The following UVRAG variants were observed in gnomAD, a reference collection of about 807,000 sequenced individuals.
UVRAG encodes the protein UV radiation resistance associated, also known as UV radiation resistance-associated gene protein.
Under a neutral mutation model 78.0 loss-of-function variants are expected in UVRAG, and 19 were observed. The ratio of observed to expected loss-of-function variants is 0.24; its 90% confidence interval spans 0.17 to 0.36. The LOEUF (loss-of-function observed/expected upper bound fraction) is 0.36, where lower values mean the gene tolerates loss of function less well. Among genes scored for constraint, UVRAG ranks in the 10% least tolerant of loss-of-function variants. The pLI is 1.00. For missense variants in UVRAG, 740 were observed against 853.8 expected (o/e 0.87, Z 1.66); for synonymous variants, 323 against 324.6 (o/e 1.00, Z 0.05).
intron 12 of UVRAG, among the ~76,000 whole-genome samples, chr11:76,022,414 G>A (rs1016393240): frequency 2.6e-5 from 4 of 152,102 alleles, no homozygotes; most frequent in African/African-American, 9.7e-5. Context: ...GTGTAAAACT[G>A]TATATTTCTC....
intron 1 of UVRAG, among the ~76,000 whole-genome samples, chr11:75,825,899 T>A (rs917385338): frequency 1.2e-4 from 18 of 151,588 alleles, no homozygotes; most frequent in Admixed American, 2.6e-4. Context: ...TACAGTGGTG[T>A]GATCTCGGCT....
At chr11:75,983,344 G>T in intron 7 of UVRAG, 43 bp from the exon 8 acceptor site, 1 of 1,475,096 alleles carries the variant, frequency 6.8e-7, no homozygotes, top group Non-Finnish European at 9.2e-7. Flanking sequence ...TCATAGTCAT[G>T]ACATTTATAT....
chr11:75,921,348 C>A (rs1427336478), intron 6 of UVRAG, among the ~76,000 whole-genome samples: 2 of 152,144 alleles, frequency 1.3e-5, no homozygotes, highest in Admixed American at 1.3e-4. Context: ...AACATGTTTT[C>A]TTAAGCTTAT....
intron 7 of UVRAG, among the ~76,000 whole-genome samples, chr11:75,973,325 G>A (rs1257724122): frequency 6.6e-6 from 1 of 152,112 alleles, no homozygotes; most frequent in African/African-American, 2.4e-5. Context: ...TCCTTAGCCT[G>A]TTGATGTGAT....
At chr11:75,942,649 T>C (rs1948507776) in intron 6 of UVRAG, among the ~76,000 whole-genome samples, 1 of 152,184 alleles carries the variant, frequency 6.6e-6, no homozygotes, top group Non-Finnish European at 1.5e-5. Flanking sequence ...AATTTAAAAA[T>C]TGTACAATTA....
intron 13 of UVRAG, among the ~76,000 whole-genome samples, chr11:76,115,175 C>A (rs1049649517): frequency 3.9e-5 from 6 of 152,246 alleles, no homozygotes; most frequent in African/African-American, 1.4e-4. Flanking sequence ...CGATGAAAAC[C>A]ATTAGCAACT....
intron 1 of UVRAG, among the ~76,000 whole-genome samples, chr11:75,850,565 T>A (rs1233990314): frequency 6.6e-6 from 1 of 152,234 alleles, no homozygotes; most frequent in Admixed American, 6.5e-5. Flanking sequence ...TTATCCTAGA[T>A]ATTCCAGATG....
chr11:75,894,802 CAAAA>C (rs375833755), intron 5 of UVRAG, among the ~76,000 whole-genome samples: 2 of 60,212 alleles, frequency 3.3e-5, no homozygotes, highest in Admixed American at 4.0e-4. Context: ...CCGTCTCTAC[CAAAA>C]AAAAAAAAAA....
intron 1 of UVRAG, among the ~76,000 whole-genome samples, chr11:75,848,958 C>T (rs571265857): frequency 6.6e-6 from 1 of 152,160 alleles, no homozygotes; most frequent in Non-Finnish European, 1.5e-5. Context: ...GCAGGTCGAT[C>T]ACCTGAGGTC....
At chr11:76,028,613 T>G (rs1187381473) in intron 12 of UVRAG, among the ~76,000 whole-genome samples, 1 of 152,118 alleles carries the variant, frequency 6.6e-6, no homozygotes, top group African/African-American at 2.4e-5. Context: ...AGAGTTTTAG[T>G]GGTCTGGATA....
intron 6 of UVRAG, among the ~76,000 whole-genome samples, chr11:75,940,968 CA>C (rs1948472044): frequency 6.6e-6 from 1 of 151,502 alleles, no homozygotes; most frequent in African/African-American, 2.4e-5. Flanking sequence ...ATTCTGCCTT[CA>C]AAAAAAGTCC....
chr11:75,843,387 G>A (rs1262938761), intron 1 of UVRAG, among the ~76,000 whole-genome samples: 1 of 152,126 alleles, frequency 6.6e-6, no homozygotes, highest in Admixed American at 6.5e-5. Flanking sequence ...CTACTAACCT[G>A]CCATGGGATA....
chr11:75,879,659 C>T (rs556670519), intron 3 of UVRAG, among the ~76,000 whole-genome samples: 5 of 152,274 alleles, frequency 3.3e-5, no homozygotes, highest in South Asian at 2.1e-4. Context: ...TAGGAATATA[C>T]GCTTCTTCTA....
chr11:75,893,670 C>CGAA (rs1947273899), intron 5 of UVRAG, among the ~76,000 whole-genome samples: 1 of 60,392 alleles, frequency 1.7e-5, no homozygotes, highest in Non-Finnish European at 3.3e-5. Flanking sequence ...CTATCTCTAC[C>CGAA]AAAAAAAAAA....
intron 1 of UVRAG, chr11:75,838,805 A>G (rs926670100): frequency 6.6e-6 from 1 of 152,194 alleles, no homozygotes. Context: ...AAGAGGTGAT[A>G]CCATGATACC....
At chr11:75,993,331 T>C (rs1356719101) in intron 8 of UVRAG, among the ~76,000 whole-genome samples, 1 of 152,242 alleles carries the variant, frequency 6.6e-6, no homozygotes, top group African/African-American at 2.4e-5. Context: ...TTCACACTCA[T>C]ACGTTTTCCC....
chr11:75,872,166 TCATATCCATATTA>T (rs1035368340), intron 3 of UVRAG, among the ~76,000 whole-genome samples: 4 of 152,324 alleles, frequency 2.6e-5, no homozygotes, highest in African/African-American at 9.6e-5. Flanking sequence ...TTTGAGTTTT[TCATATCCATATTA>T]CCTTTTAATG....
chr11:76,045,773 T>C (rs1355549475), intron 12 of UVRAG, among the ~76,000 whole-genome samples: 1 of 150,062 alleles, frequency 6.7e-6, no homozygotes, highest in African/African-American at 2.4e-5. Context: ...CCTCAAATAT[T>C]TGATGATCCA....
chr11:75,943,202 G>T (rs1020970047), intron 6 of UVRAG, among the ~76,000 whole-genome samples: 1 of 151,776 alleles, frequency 6.6e-6, no homozygotes, highest in Non-Finnish European at 1.5e-5. Flanking sequence ...CTTTGGTAGC[G>T]TTTTTAGTTT....
Sources: gnomAD v4.1 joint callset for allele counts (sites outside exome capture counted in the v4.1 genomes callset) on GRCh38, gnomAD v4.1.1 for gene constraint, MANE v1.5 for transcripts, NCBI Gene and HGNC (gene_info 2026-07-23, HGNC 2026-07-21) for gene names.